Variants in PCDH15 observed in about 807,000 individuals in gnomAD.
The protein encoded by PCDH15 is protocadherin-15.
PCDH15 carries 129 observed loss-of-function variants against 178.5 expected under a neutral mutation model. That is an observed-to-expected ratio of 0.72 (90% confidence interval 0.63 to 0.84). PCDH15 has a LOEUF of 0.84. Ranked by LOEUF, PCDH15 falls within the 40% of genes least tolerant of loss-of-function variation. The probability of loss-of-function intolerance (pLI) is 0.00; values close to 1 mark genes in which losing one functional copy is unlikely to be tolerated. For synonymous variants in PCDH15, 800 were observed against 732.0 expected (o/e 1.09, Z -1.50); for missense variants, 2,230 against 2,099.9 (o/e 1.06, Z -1.21).
At chr10:54,031,677 C>T (rs1355992794) in intron 18 of PCDH15, among the ~76,000 whole-genome samples, 1 of 152,060 alleles carries the variant, frequency 6.6e-6, no homozygotes, top group Admixed American at 6.6e-5. Context: ...ACATAACCTG[C>T]AGGCCTCTTA....
At chr10:54,389,318 C>G (rs1360366876) in intron 3 of PCDH15, among the ~76,000 whole-genome samples, 1 of 152,176 alleles carries the variant, frequency 6.6e-6, no homozygotes, top group Non-Finnish European at 1.5e-5. Context: ...ATTCATTGCA[C>G]ATTTCCATCA....
chr10:54,668,860 A>C (rs1468179114), intron 1 of PCDH15, among the ~76,000 whole-genome samples: 1 of 152,200 alleles, frequency 6.6e-6, no homozygotes, highest in East Asian at 1.9e-4. Flanking sequence ...GGAGTCTCAC[A>C]GTGAAGTGAG....
chr10:54,685,821 T>C (rs541359825), intron 1 of PCDH15, among the ~76,000 whole-genome samples: 3 of 152,260 alleles, frequency 2.0e-5, no homozygotes, highest in East Asian at 1.9e-4. Flanking sequence ...GTGTTGAATA[T>C]AGTATGTGAC....
chr10:54,114,797 C>T (rs11004078), intron 15 of PCDH15, among the ~76,000 whole-genome samples: 4,817 of 152,050 alleles, frequency 0.032, 269 homozygotes, highest in African/African-American at 0.11. Flanking sequence ...AGCAAGTGAA[C>T]GGTTCCAGAG....
intron 1 of PCDH15, among the ~76,000 whole-genome samples, chr10:54,735,377 GTGA>G (rs1407474353): frequency 1.2e-4 from 19 of 152,078 alleles, no homozygotes; most frequent in Non-Finnish European, 1.8e-4. Flanking sequence ...CTGATGGCCA[GTGA>G]TGATGAGCAC....
intron 3 of PCDH15, among the ~76,000 whole-genome samples, chr10:54,819,632 AT>A (rs1279893717): frequency 6.6e-6 from 1 of 151,942 alleles, no homozygotes; most frequent in Non-Finnish European, 1.5e-5. Context: ...TTTCTCTGTA[AT>A]TTTTACTGTT....
intron 20 of PCDH15, among the ~76,000 whole-genome samples, chr10:53,996,810 T>A (rs1729818574): frequency 6.6e-6 from 1 of 152,112 alleles, no homozygotes; most frequent in Admixed American, 6.6e-5. Flanking sequence ...GTAGTGTGGG[T>A]CAAACATATT....
intron 2 of PCDH15, chr10:55,575,837 C>T (rs1264648813): frequency 6.6e-6 from 1 of 152,128 alleles, no homozygotes; most frequent in African/African-American, 2.4e-5. Flanking sequence ...CTTCAAGGTA[C>T]TTAGAAAAGG....
chr10:54,201,281 CTT>C (rs1310425015), intron 10 of PCDH15, among the ~76,000 whole-genome samples: 2 of 152,048 alleles, frequency 1.3e-5, no homozygotes, highest in East Asian at 1.9e-4. Flanking sequence ...AAAAAATACT[CTT>C]ATGTCAATGT....
At chr10:53,920,403 C>G (rs368760098) in intron 25 of PCDH15, among the ~76,000 whole-genome samples, 1 of 151,488 alleles carries the variant, frequency 6.6e-6, no homozygotes, top group Non-Finnish European at 1.5e-5. Context: ...TGTATAGATA[C>G]TATATAAGTA....
intron 3 of PCDH15, among the ~76,000 whole-genome samples, chr10:54,500,598 G>A (rs2080580006): frequency 1.3e-5 from 2 of 152,138 alleles, no homozygotes; most frequent in African/African-American, 4.8e-5. Flanking sequence ...GGGAGGCTGA[G>A]GTGAGCAGAT....
chr10:55,076,665 C>CCTAGGCTA (rs930889278), intron 2 of PCDH15, among the ~76,000 whole-genome samples: 15 of 151,140 alleles, frequency 9.9e-5, no homozygotes, highest in Non-Finnish European at 2.2e-4. Flanking sequence ...CACCATGTTG[C>CCTAGGCTA]CTAGGCTAGT....
intron 20 of PCDH15, among the ~76,000 whole-genome samples, chr10:54,012,658 A>C (rs1241272263): frequency 6.6e-6 from 1 of 152,198 alleles, no homozygotes; most frequent in Non-Finnish European, 1.5e-5. Context: ...CTTAAATAAA[A>C]GAATTTCAAC....
intron 8 of PCDH15, among the ~76,000 whole-genome samples, chr10:54,309,778 G>A (rs1010683164): frequency 6.6e-6 from 1 of 151,522 alleles, no homozygotes; most frequent in Non-Finnish European, 1.5e-5. Context: ...TGGTGACAAA[G>A]TAAGACTCCA....
At chr10:54,193,594 G>C (rs1217533585) in intron 11 of PCDH15, among the ~76,000 whole-genome samples, 1 of 152,094 alleles carries the variant, frequency 6.6e-6, no homozygotes, top group Non-Finnish European at 1.5e-5. Flanking sequence ...GTGTTTTCTA[G>C]TGGGGATTCA....
At chr10:55,540,145 TC>T (rs1224530899) in intron 2 of PCDH15, among the ~76,000 whole-genome samples, 3 of 152,128 alleles carry the variant, frequency 2.0e-5, no homozygotes, top group Admixed American at 1.3e-4. Context: ...ATCTATTTTT[TC>T]AAGTGCATAG....
At chr10:55,509,212 CCCTCAG>C (rs1840826423) in intron 2 of PCDH15, among the ~76,000 whole-genome samples, 1 of 151,550 alleles carries the variant, frequency 6.6e-6, no homozygotes, top group Non-Finnish European at 1.5e-5. Context: ...ATCTGAAATG[CCCTCAG>C]AAGATTTTAG....
chr10:55,372,032 T>G (rs1845519308), intron 2 of PCDH15, among the ~76,000 whole-genome samples: 1 of 152,128 alleles, frequency 6.6e-6, no homozygotes, highest in Admixed American at 6.6e-5. Flanking sequence ...CATAGAAATT[T>G]AGATATTTTA....
chr10:54,703,087 T>G (rs2132258996), intron 1 of PCDH15, among the ~76,000 whole-genome samples: 1 of 152,238 alleles, frequency 6.6e-6, no homozygotes, highest in East Asian at 1.9e-4. Context: ...GCAAAGTTAG[T>G]AAATATGATT....
Sources: allele counts gnomAD v4.1 joint callset (sites outside exome capture counted in the v4.1 genomes callset), GRCh38; gene constraint gnomAD v4.1.1; transcripts MANE v1.5; gene names NCBI Gene and HGNC (gene_info 2026-07-23, HGNC 2026-07-21).